TFCP2: variants seen among roughly 807,000 people sequenced by gnomAD.
The protein encoded by TFCP2 is transcription factor CP2.
In TFCP2, 33 loss-of-function variants were observed where a neutral mutation model predicts 73.4. The observed-to-expected ratio is 0.45, with a 90% CI of 0.34 to 0.60. The LOEUF (loss-of-function observed/expected upper bound fraction) is 0.60, where lower values mean the gene tolerates loss of function less well. TFCP2 is among the 20% of genes least tolerant of loss of function. The pLI is 0.01. For synonymous variants in TFCP2, 193 were observed against 211.6 expected, an observed-to-expected ratio of 0.91 and a Z score of 0.76; for missense variants, 352 against 604.0, an observed-to-expected ratio of 0.58 and a Z score of 4.37.
intron 13 of TFCP2, among the ~76,000 whole-genome samples, chr12:51,096,717 T>C (rs1340897274): frequency 6.6e-6 from 1 of 152,206 alleles, no homozygotes; most frequent in Non-Finnish European, 1.5e-5. Context: ...TTCTGAAGTA[T>C]AATCTAATGA....
intron 1 of TFCP2, among the ~76,000 whole-genome samples, chr12:51,145,200 CAAAAA>C (rs55642619): frequency 1.8e-5 from 2 of 110,068 alleles, no homozygotes; most frequent in Non-Finnish European, 1.8e-5. Flanking sequence ...GACTTCATCT[CAAAAA>C]AAAAAAAAAA....
intron 14 of TFCP2, 38 bp downstream of exon 14, chr12:51,095,951 T>C (rs1939956437): frequency 6.3e-7 from 1 of 1,585,242 alleles, no homozygotes. Flanking sequence ...AGTAAAGCTG[T>C]TAAACTGCTT....
At chr12:51,111,253 C>T (rs1940393844) in intron 4 of TFCP2, among the ~76,000 whole-genome samples, 1 of 152,062 alleles carries the variant, frequency 6.6e-6, no homozygotes. Flanking sequence ...AAACGATCCT[C>T]CTGCCTCTGC....
At chr12:51,163,984 C>T (rs1380158242) in intron 1 of TFCP2, among the ~76,000 whole-genome samples, 1 of 151,438 alleles carries the variant, frequency 6.6e-6, no homozygotes, top group African/African-American at 2.4e-5. Flanking sequence ...GCAGGAGGAT[C>T]GCTTGAGGCC....
At position 51,095,777 on chromosome 12, in the gene TFCP2, G is replaced by A. The variant is rs185650145; in HGVS notation, c.1471+212C>T. The stretch of plus-strand genomic sequence containing the variant: ...TGTAGTGAGCCGAGATCATGCCACT[G>A]CACTCCAGCCTGGGCAACAGATCGA... On this transcript the variant is annotated intron_variant, in intron 14 of 14. Transcript: ENST00000257915. Among the ~76,000 whole-genome samples, 311 of 129,238 alleles carry A rather than the reference G, an allele frequency of 2.4e-3. 2 individuals carry two copies. The highest frequency in any genetic ancestry group is 8.1e-3 in the African/African-American group (278 of 34,242). The allele number at this position is 129,238 out of a possible 152,430, so 84.8% of individuals were successfully genotyped here.
chr12:51,110,307 A>C (rs906460051), intron 5 of TFCP2, among the ~76,000 whole-genome samples: 1 of 152,066 alleles, frequency 6.6e-6, no homozygotes, highest in Non-Finnish European at 1.5e-5. Flanking sequence ...GGTGGCTCAC[A>C]CCTATAATCC....
At chr12:51,139,310 T>C (rs775156331) in intron 1 of TFCP2, among the ~76,000 whole-genome samples, 18 of 152,108 alleles carry the variant, frequency 1.2e-4, no homozygotes, top group African/African-American at 2.9e-4. Flanking sequence ...TCTTCAAAAC[T>C]GGGCCCAGTT....
At chr12:51,164,383 G>C (rs578186052) in intron 1 of TFCP2, among the ~76,000 whole-genome samples, 10 of 152,144 alleles carry the variant, frequency 6.6e-5, no homozygotes, top group African/African-American at 2.4e-4. Flanking sequence ...CAGATCACAA[G>C]GTCAGGAGTT....
At chr12:51,158,999 TA>T (rs1941595041) in intron 1 of TFCP2, among the ~76,000 whole-genome samples, 1 of 13,532 alleles carries the variant, frequency 7.4e-5, no homozygotes, top group Non-Finnish European at 1.3e-4. Flanking sequence ...CTCTCTCTAC[TA>T]AAAATCCAAA....
chr12:51,119,466 T>C (rs1382488730), intron 1 of TFCP2, among the ~76,000 whole-genome samples: 1 of 152,196 alleles, frequency 6.6e-6, no homozygotes, highest in Non-Finnish European at 1.5e-5. Context: ...AAATTAAACA[T>C]GCAGTCAGGC....
intron 8 of TFCP2, among the ~76,000 whole-genome samples, 196 bp from the exon 9 acceptor site, chr12:51,104,399 G>A (rs1940180577): frequency 6.6e-6 from 1 of 152,148 alleles, no homozygotes; most frequent in Non-Finnish European, 1.5e-5. Context: ...AGGAGGGGGA[G>A]AAACTATGTC....
intron 1 of TFCP2, among the ~76,000 whole-genome samples, chr12:51,151,916 A>G (rs1941436755): frequency 6.6e-6 from 1 of 152,204 alleles, no homozygotes; most frequent in Non-Finnish European, 1.5e-5. Flanking sequence ...TCTTTCTTAC[A>G]GTAGAAAGCC....
intron 1 of TFCP2, among the ~76,000 whole-genome samples, chr12:51,131,173 A>C (rs1416587517): frequency 6.6e-6 from 1 of 151,284 alleles, no homozygotes; most frequent in African/African-American, 2.4e-5. Flanking sequence ...ACTAAAAAAA[A>C]AAAAACAAAA....
At chr12:51,110,793 G>A in intron 5 of TFCP2, 84 bp downstream of exon 5, 3 of 1,049,506 alleles carry the variant, frequency 2.9e-6, no homozygotes, top group Non-Finnish European at 4.4e-6. Flanking sequence ...AGATTTCAAA[G>A]TTAACATGTT....
At chr12:51,111,273 A>G (rs1482940436) in intron 4 of TFCP2, among the ~76,000 whole-genome samples, 1 of 151,962 alleles carries the variant, frequency 6.6e-6, no homozygotes. Context: ...CCTCCTGAGT[A>G]GCTGGGATTA....
rs2136968279 is a variant in TFCP2, at chr12:51,106,630, A to T, written c.829-17T>A. On this transcript the variant is annotated splice_polypyrimidine_tract_variant and intron_variant, in intron 7 of 14. Transcript: ENST00000257915. ...TGGAGAACACTAAAAACAAAGGATA[A>T]GTTAGATAATGAACGAGCACATATG... The T allele has an allele frequency of 6.2e-7, 1 of 1,607,082 alleles. No individual in the cohort carries two copies.
intron 1 of TFCP2, among the ~76,000 whole-genome samples, chr12:51,171,166 G>A (rs972815666): frequency 6.6e-6 from 1 of 152,044 alleles, no homozygotes; most frequent in African/African-American, 2.4e-5. Flanking sequence ...TTAAGTTCTA[G>A]TCTCTTGACT....
At position 51,172,556 on chromosome 12, in the gene TFCP2, C is replaced by G. The variant is rs189928644; in HGVS notation, c.-134G>C. ...CCCACGCAGTGCCCACCAGCCACCC[C>G]CAAGCCCGACCAGCACTGCTCTGTG... is the stretch of plus-strand genomic sequence containing the variant. On this transcript the variant is annotated 5_prime_UTR_variant, in exon 1 of 15. Transcript: ENST00000257915. 7.0e-5 allele frequency: 81 copies of G among 1,158,722 alleles called. No homozygotes were observed. Among genetic ancestry groups the G allele is most frequent in the Non-Finnish European group, 8.8e-5 (72 of 817,224 alleles). The allele number at this position is 1,158,722 out of a possible 1,614,324, so 71.8% of individuals were successfully genotyped here.
At chr12:51,172,178 T>A (rs1941875926) in intron 1 of TFCP2, 123 bp downstream of exon 1, 1 of 1,361,024 alleles carries the variant, frequency 7.3e-7, no homozygotes, top group Non-Finnish European at 1.0e-6. Context: ...AACAAGTCCC[T>A]TTTCCCCAAT....
Sources: allele counts gnomAD v4.1 joint callset (sites outside exome capture counted in the v4.1 genomes callset), GRCh38; gene constraint gnomAD v4.1.1; transcripts MANE v1.5; gene names NCBI Gene and HGNC (gene_info 2026-07-23, HGNC 2026-07-21).